GDI2: variants seen among roughly 807,000 people sequenced by gnomAD.
The protein encoded by GDI2 is rab GDP dissociation inhibitor beta.
In GDI2, 22 loss-of-function variants were observed where a neutral mutation model predicts 54.2. The ratio of observed to expected loss-of-function variants is 0.41; its 90% CI spans 0.29 to 0.58. The LOEUF (loss-of-function observed/expected upper bound fraction) is 0.58. GDI2 is among the 20% of genes least tolerant of loss of function. GDI2 has a pLI of 0.35. For synonymous variants in GDI2, 177 were observed against 182.1 expected (o/e 0.97, Z 0.23); for missense variants, 422 against 546.0 (o/e 0.77, Z 2.26).
In GDI2 at chr10:5,766,857, G is replaced by A. The variant is rs980059549; in HGVS notation, c.992-219C>T. 1.3e-5 allele frequency among the ~76,000 whole-genome samples: 2 copies of A among 152,216 alleles called. No homozygotes were observed. The highest frequency in any genetic ancestry group is 4.8e-5 in the African/African-American group (2 of 41,454). On this transcript the variant is annotated intron_variant, in intron 8 of 10. Coordinates refer to ENST00000380191, the MANE Select transcript of GDI2 (RefSeq NM_001494.4). The surrounding 1 kb of genome is among the most constrained non-coding windows in gnomAD (Gnocchi z 5.8). ...AACCTACTAGAGATTAAGAATTGAA[G>A]TGGTAGCGAACTGCTGAAGTTTGGA... is the stretch of plus-strand genomic sequence containing the variant.
At chr10:5,800,327 G>A (rs1415920057) in intron 2 of GDI2, among the ~76,000 whole-genome samples, 1 of 152,062 alleles carries the variant, frequency 6.6e-6, no homozygotes, top group Non-Finnish European at 1.5e-5. Flanking sequence ...CATGAGGAAA[G>A]CACTGGACTT....
chr10:5,779,124 A>T (rs1840693108), intron 6 of GDI2, among the ~76,000 whole-genome samples: 1 of 152,266 alleles, frequency 6.6e-6, no homozygotes, highest in Non-Finnish European at 1.5e-5. Flanking sequence ...TATGTTCCAG[A>T]ACAAATATCC....
intron 6 of GDI2, among the ~76,000 whole-genome samples, chr10:5,779,839 T>G (rs1384922762): frequency 6.6e-6 from 1 of 151,904 alleles, no homozygotes; most frequent in South Asian, 2.1e-4. Context: ...ACTACAGGCA[T>G]GCATCACCAC....
rs560315425 is a variant in GDI2, at chr10:5,799,268, T to G, written c.153+1330A>C. On this transcript the variant is annotated intron_variant, in intron 2 of 10. Transcript: ENST00000380191. ...AGGAGGATCGTTTGAGCCCAGGAGT[T>G]CAAGGCTACAGCAAGCTACGATCGC... Among the ~76,000 whole-genome samples the G allele has an allele frequency of 2.0e-5, 3 of 152,150 alleles. No individual in the cohort carries two copies. The South Asian group carries it at 6.2e-4, about 32-fold the overall frequency.
chr10:5,766,783 C>CA lies in GDI2; in HGVS notation c.992-146dup. ...TCTACACTTAAGTTCTAAATGGTGA[C>CA]AGAGTTGGATGTAAAGTACACAGAT... On this transcript the variant is annotated intron_variant, in intron 8 of 10. Transcript: ENST00000380191. The surrounding 1 kb of genome is among the most constrained non-coding windows in gnomAD (Gnocchi z 5.8). 1 of 624,932 alleles carries CA rather than the reference C, an allele frequency of 1.6e-6. No homozygotes were observed. Among genetic ancestry groups the CA allele is most frequent in the Non-Finnish European group, 2.8e-6 (1 of 352,352 alleles). 38.7% of individuals were successfully genotyped at this position (624,932 alleles called of 1,614,324 possible). A position where few individuals can be genotyped will look rare whatever the true frequency, so the allele number is the denominator to read the frequency against.
chr10:5,801,320 G>C (rs1269189665), intron 1 of GDI2, among the ~76,000 whole-genome samples: 1 of 152,186 alleles, frequency 6.6e-6, no homozygotes, highest in Non-Finnish European at 1.5e-5. Context: ...AACAAATTAA[G>C]ACAGGGCTCT....
Position 5,776,699 on chromosome 10 carries a change from C to T in GDI2, c.720-2758G>A. 6.9e-7 allele frequency: 1 copy of T among 1,457,644 alleles called. No homozygotes were observed. The highest frequency in any genetic ancestry group is 9.6e-7 in the Non-Finnish European group (1 of 1,045,942). 90.3% of individuals were successfully genotyped at this position (1,457,644 alleles called of 1,614,324 possible). On this transcript the variant is annotated intron_variant, in intron 6 of 10. Transcript: ENST00000380191. This position sits in a 1 kb window ranked among gnomAD's most constrained non-coding sequence, Gnocchi z 5.3. ...GTCAGAGTTATGGAGCTTGCCGCCA[C>T]ATTCAGAAACTGCTACAGCCTCTTT... is the stretch of plus-strand genomic sequence containing the variant.
chr10:5,787,266 A>T (rs1177517875), intron 4 of GDI2, among the ~76,000 whole-genome samples: 1 of 152,260 alleles, frequency 6.6e-6, no homozygotes, highest in Non-Finnish European at 1.5e-5. Flanking sequence ...GCACTTTGGA[A>T]GGCTGAGGAG....
chr10:5,792,298 G>A (rs924100046), intron 4 of GDI2, among the ~76,000 whole-genome samples: 4 of 152,054 alleles, frequency 2.6e-5, no homozygotes, highest in Non-Finnish European at 5.9e-5. Context: ...AATAGTAATA[G>A]CACCTGCATC....
chr10:5,807,808 A>T (rs574640040), intron 1 of GDI2, among the ~76,000 whole-genome samples: 1 of 152,370 alleles, frequency 6.6e-6, no homozygotes, highest in South Asian at 2.1e-4. Flanking sequence ...CATCAAAAAC[A>T]GAATAACTCA....
At chr10:5,769,923 T>G (rs1054873823) in intron 7 of GDI2, among the ~76,000 whole-genome samples, 5 of 152,226 alleles carry the variant, frequency 3.3e-5, no homozygotes, top group African/African-American at 1.2e-4. Flanking sequence ...ATGAGACATT[T>G]GTACACCCAT....
At chr10:5,813,127 G>A (rs1445626953) in intron 1 of GDI2, 87 bp downstream of exon 1, 9 of 770,950 alleles carry the variant, frequency 1.2e-5, no homozygotes, top group African/African-American at 7.4e-5. Context: ...CGAGACCCCC[G>A]AGGAGCTGCG....
intron 1 of GDI2, among the ~76,000 whole-genome samples, chr10:5,809,175 G>A (rs1455001252): frequency 1.3e-5 from 2 of 150,686 alleles, no homozygotes; most frequent in Admixed American, 6.7e-5. Context: ...AACCTGGGAA[G>A]CAGAGGTTGC....
intron 4 of GDI2, among the ~76,000 whole-genome samples, chr10:5,792,891 C>G (rs1462964821): frequency 6.9e-6 from 1 of 144,502 alleles, no homozygotes; most frequent in Non-Finnish European, 1.5e-5. Flanking sequence ...AAGGAGGTAA[C>G]TGAAGCTTTA....
chr10:5,791,211 C>T (rs1221271689), intron 4 of GDI2, among the ~76,000 whole-genome samples: 7 of 152,160 alleles, frequency 4.6e-5, no homozygotes, highest in Non-Finnish European at 1.0e-4. Context: ...AGGAGGATCA[C>T]TTGAGCCCAG....
intron 8 of GDI2, among the ~76,000 whole-genome samples, chr10:5,767,086 G>A (rs1043553808): frequency 6.6e-6 from 1 of 152,034 alleles, no homozygotes; most frequent in Non-Finnish European, 1.5e-5. Context: ...TTTTGAGTTG[G>A]CATAACGATA....
chr10:5,788,711 A>C (rs937944150), intron 4 of GDI2, among the ~76,000 whole-genome samples: 16 of 152,048 alleles, frequency 1.1e-4, no homozygotes, highest in African/African-American at 3.6e-4. Flanking sequence ...GACAAGCTTG[A>C]TGTAGATTTT....
rs930385162 is a variant in GDI2, at chr10:5,776,848, T to G, written c.720-2907A>C. 7.9e-7 allele frequency: 1 copy of G among 1,268,942 alleles called. No homozygotes were observed. The highest frequency in any genetic ancestry group is 1.5e-5 in the African/African-American group (1 of 66,268). 78.6% of individuals were successfully genotyped at this position (1,268,942 alleles called of 1,614,324 possible). On this transcript the variant is annotated intron_variant, in intron 6 of 10. Transcript: ENST00000380191. This position sits in a 1 kb window ranked among gnomAD's most constrained non-coding sequence, Gnocchi z 5.3. ...TGGAGCTGAGGATATTCTGAAAGGATTTATGAATAATTAAAATGGAAGGCC... is the reference window on the plus strand; with the variant it reads ...TGGAGCTGAGGATATTCTGAAAGGAGTTATGAATAATTAAAATGGAAGGCC...
rs376926607 is a variant in GDI2 at position 5,809,849 on chromosome 10, T to C, written c.45+3365A>G. 9.2e-5 allele frequency among the ~76,000 whole-genome samples: 14 copies of C among 152,352 alleles called. No individual in the cohort carries two copies. In the East Asian group the frequency reaches 9.6e-4, roughly 10 times the overall value. On this transcript the variant is annotated intron_variant, in intron 1 of 10. Coordinates refer to ENST00000380191, the MANE Select transcript of GDI2 (RefSeq NM_001494.4). ...GTCTTTAAAAACCAATGTCACACTATTGTCATCTCTACATGCTAAAATATG... is the reference window on the plus strand; with the variant it reads ...GTCTTTAAAAACCAATGTCACACTACTGTCATCTCTACATGCTAAAATATG...
Sources: allele counts gnomAD v4.1 joint callset (sites outside exome capture counted in the v4.1 genomes callset), GRCh38; gene constraint gnomAD v4.1.1; non-coding constraint Gnocchi (gnomAD v3.1); transcripts MANE v1.5; gene names NCBI Gene and HGNC (gene_info 2026-07-23, HGNC 2026-07-21).